SVIL: variants seen among roughly 807,000 people sequenced by gnomAD.
SVIL encodes archvillin.
In SVIL, 101 loss-of-function variants were observed where a neutral mutation model predicts 240.4. The ratio of observed to expected loss-of-function variants is 0.42; its 90% confidence interval spans 0.36 to 0.50. SVIL has a LOEUF of 0.50. SVIL is among the 20% of genes least tolerant of loss of function. The pLI is 0.01. For synonymous variants in SVIL, 999 were observed against 1,100.0 expected (o/e 0.91, Z 1.82); for missense variants, 2,512 against 2,818.7 (o/e 0.89, Z 2.46).
intron 3 of SVIL, among the ~76,000 whole-genome samples, chr10:29,641,123 G>T (rs1369244549): frequency 6.6e-6 from 1 of 152,228 alleles, no homozygotes; most frequent in African/African-American, 2.4e-5. Flanking sequence ...ATTTGTTAAA[G>T]GGGGCTGGGT....
In SVIL at chr10:29,550,957, T is replaced by G. The variant is rs1953268881; in HGVS notation, c.467A>C (p.Gln156Pro). The G allele has an allele frequency of 6.2e-6, 10 of 1,614,034 alleles. No homozygotes were observed. Among genetic ancestry groups the G allele is most frequent in the Non-Finnish European group, 7.6e-6 (9 of 1,180,036 alleles). Residue 156 changes from glutamine to proline, a missense_variant, in exon 6 of 38, where the codon CAG (glutamine) becomes CCG (proline). By Grantham distance (76) the Gln-to-Pro change is moderately conservative. This residue lies in a region of SVIL where 1,443 missense variants were observed against 1,486.6 expected (regional missense o/e 0.97). Transcript: ENST00000355867. ...VEKRGGKSDKQEESSRDASSL... is the reference protein window; with the variant it reads ...VEKRGGKSDKPEESSRDASSL... ...ACTAGCATCTCTGCTTGACTCTTCC[T>G]GTTTGTCACTTTTTCCTCCCCGCTT... is the stretch of plus-strand genomic sequence containing the variant.
chr10:29,630,619 G>T (rs1041760362), intron 1 of SVIL, among the ~76,000 whole-genome samples: 1 of 152,078 alleles, frequency 6.6e-6, no homozygotes, highest in African/African-American at 2.4e-5. Context: ...ATAATGAAGT[G>T]ACTGACTTCA....
intron 36 of SVIL, 34 bp downstream of exon 36, chr10:29,462,243 G>A: frequency 1.2e-6 from 2 of 1,607,452 alleles, no homozygotes; most frequent in Non-Finnish European, 1.7e-6. Flanking sequence ...AAAGGCGCAG[G>A]AGCCACCTTC....
chr10:29,565,464 G>A (rs1954894451), intron 2 of SVIL, among the ~76,000 whole-genome samples: 1 of 152,178 alleles, frequency 6.6e-6, no homozygotes, highest in East Asian at 1.9e-4. Flanking sequence ...TGGTTCACTT[G>A]ACATGCTGTT....
intron 1 of SVIL, among the ~76,000 whole-genome samples, chr10:29,626,951 G>A (rs1050952498): frequency 2.0e-5 from 3 of 152,164 alleles, no homozygotes; most frequent in African/African-American, 4.8e-5. Flanking sequence ...GTGAACCCGG[G>A]AGGCGGAGCT....
chr10:29,550,507 T>C, intron 6 of SVIL, 90 bp downstream of exon 6: 1 of 1,343,136 alleles, frequency 7.4e-7, no homozygotes, highest in Non-Finnish European at 1.0e-6. Context: ...TTCCACATAA[T>C]GCTTAGAATA....
rs536776518 is a variant in SVIL, at chr10:29,618,122, C to T, written c.-201+16298G>A. Among the ~76,000 whole-genome samples the T allele has an allele frequency of 1.1e-4, 16 of 152,282 alleles. No individual in the cohort carries two copies. In the South Asian group the frequency reaches 3.3e-3, roughly 32 times the overall value. ...ACGCAGGCAGCAGAGCACTGTTCTC[C>T]TGGGGAGGCGGGCTAATCCTGTCCT... On this transcript the variant is annotated intron_variant, in intron 1 of 37. Transcript: ENST00000355867.
Position 29,493,226 on chromosome 10 carries a change from G to A in SVIL, c.4007C>T (p.Pro1336Leu). ...MDEDFDVIFDPYAPKLTSSVA... is the reference protein window; with the variant it reads ...MDEDFDVIFDLYAPKLTSSVA... ...CCAAATAACTCACTTGGGTGCATAAGGATCGAAAATGACATCGAAGTCCTC... is the reference window on the plus strand; with the variant it reads ...CCAAATAACTCACTTGGGTGCATAAAGATCGAAAATGACATCGAAGTCCTC... The change falls in exon 21 of 38, where the codon CCT (proline) becomes CTT (leucine). Residue 1336 changes from proline to leucine, a missense_variant. Pro to Leu is a moderately conservative substitution (Grantham distance 98). Coordinates refer to ENST00000355867, the MANE Select transcript of SVIL (RefSeq NM_021738.3). The A allele has an allele frequency of 6.2e-7, 1 of 1,613,982 alleles. No homozygotes were observed. The highest frequency in any genetic ancestry group is 8.5e-7 in the Non-Finnish European group (1 of 1,179,938).
chr10:29,506,330 G>A (rs555873846), intron 17 of SVIL, among the ~76,000 whole-genome samples: 13 of 152,200 alleles, frequency 8.5e-5, no homozygotes, highest in South Asian at 8.3e-4. Flanking sequence ...GGCTGGGTAC[G>A]TGGGGCCTGG....
At chr10:29,549,227 T>G (rs1952992452) in intron 6 of SVIL, among the ~76,000 whole-genome samples, 1 of 144,186 alleles carries the variant, frequency 6.9e-6, no homozygotes, top group East Asian at 2.0e-4. Context: ...GAACAGACAC[T>G]TCTCAAAAGA....
In SVIL at chr10:29,512,854, G is replaced by A. The variant is rs61735504; in HGVS notation, c.3397C>T (p.Leu1133=). 1.7e-3 allele frequency: 2,809 copies of A among 1,609,760 alleles called. 28 individuals are homozygous for A. In the African/African-American group the frequency reaches 0.028, roughly 16 times the overall value. The change falls in exon 17 of 38, where the codon CTG becomes TTG. Residue 1133 remains leucine, a synonymous_variant. Transcript: ENST00000355867. The part of the protein sequence containing the change: ...KTMSIKERLA[L]LKKSGEEDWR... The stretch of plus-strand genomic sequence containing the variant: ...TCTTCCTCCCCGCTTTTCTTCAACA[G>A]TGCCAATCTAGGAGGAAAACATGCC...
At chr10:29,726,535 TCAGGAGTTCGAGAC>T (rs1398481963) in intron 1 of SVIL, among the ~76,000 whole-genome samples, 2 of 151,714 alleles carry the variant, frequency 1.3e-5, no homozygotes, top group African/African-American at 4.8e-5. Flanking sequence ...TCACTTGAGG[TCAGGAGTTCGAGAC>T]CAGACTGGCC....
chr10:29,731,357 A>G (rs1461456435), intron 1 of SVIL, among the ~76,000 whole-genome samples: 1 of 152,202 alleles, frequency 6.6e-6, no homozygotes, highest in Non-Finnish European at 1.5e-5. Context: ...TATAAACTGA[A>G]GTTTTCTCAT....
At chr10:29,676,377 AGTGTGT>A (rs112042524) in intron 2 of SVIL, among the ~76,000 whole-genome samples, 1 of 151,230 alleles carries the variant, frequency 6.6e-6, no homozygotes, top group Non-Finnish European at 1.5e-5. Context: ...GAAAAAAAAG[AGTGTGT>A]GTGTGTGTGT....
chr10:29,653,981 G>A (rs1489943223), intron 3 of SVIL, among the ~76,000 whole-genome samples: 1 of 152,062 alleles, frequency 6.6e-6, no homozygotes, highest in Non-Finnish European at 1.5e-5. Context: ...TTGAAGCTGA[G>A]TCTCCTATTT....
chr10:29,644,042 T>G (rs1217947019), intron 3 of SVIL: 1 of 517,906 alleles, frequency 1.9e-6, no homozygotes, highest in East Asian at 5.5e-5. Context: ...GTACAAAGTG[T>G]GACATGCTCC....
At chr10:29,463,709 C>A in intron 34 of SVIL, 74 bp from the exon 35 acceptor site, 1 of 1,559,220 alleles carries the variant, frequency 6.4e-7, no homozygotes, top group Non-Finnish European at 8.7e-7. Flanking sequence ...CTCCCCCAAC[C>A]TAGTGGATGT....
Position 29,465,581 on chromosome 10 carries a change from C to T in SVIL, c.6133+14G>A, listed in dbSNP as rs1944816360. The T allele has an allele frequency of 6.3e-7, 1 of 1,591,108 alleles. No individual in the cohort carries two copies. On this transcript the variant is annotated intron_variant, in intron 34 of 37. Transcript: ENST00000355867. ...CTTCTACTGCTCAGCATAGCTGCCC[C>T]CTGCAGGCCTTACCTGGCTGGGGCG...
intron 1 of SVIL, among the ~76,000 whole-genome samples, chr10:29,725,028 C>CAAAAAAAAAAAAAAAAAAA (rs1187861054): frequency 2.4e-5 from 1 of 40,922 alleles, no homozygotes; most frequent in East Asian, 9.9e-4. Context: ...GACCCGGTCT[C>CAAAAAAAAAAAAAAAAAAA]AAAAAAAAAA....
Sources: allele counts gnomAD v4.1 joint callset (sites outside exome capture counted in the v4.1 genomes callset), GRCh38; gene constraint gnomAD v4.1.1; regional missense constraint gnomAD v4.1.1; transcripts MANE v1.5; gene names NCBI Gene and HGNC (gene_info 2026-07-23, HGNC 2026-07-21).